The following HTR3B variants were observed in gnomAD, a reference collection of about 807,000 sequenced individuals.
HTR3B encodes the protein 5-hydroxytryptamine receptor 3B, also known as 5-hydroxytryptamine (serotonin) receptor 3B, ionotropic.
In HTR3B, 44 loss-of-function variants were observed where a neutral mutation model predicts 42.8. The ratio of observed to expected loss-of-function variants is 1.03; its 90% CI spans 0.81 to 1.32. HTR3B has a LOEUF of 1.32. HTR3B is among the 40% of genes most tolerant of loss of function. The pLI is 0.00. For synonymous variants in HTR3B, 203 were observed against 209.0 expected (o/e 0.97, Z 0.25); for missense variants, 527 against 536.5 (o/e 0.98, Z 0.17).
Position 113,943,201 on chromosome 11 carries a change from C to A in HTR3B, c.907+9C>A. 6.2e-7 allele frequency: 1 copy of A among 1,604,302 alleles called. No individual in the cohort carries two copies. On this transcript the variant is annotated intron_variant, in intron 7 of 8. Transcript: ENST00000260191. ...GAGCACCCCTCTGATTGGTAAGCAGCCTCGGGGTCACTGGACACTCATCTT... is the reference window on the plus strand; with the variant it reads ...GAGCACCCCTCTGATTGGTAAGCAGACTCGGGGTCACTGGACACTCATCTT...
At position 113,947,991 on chromosome 11, in the gene HTR3B, C is replaced by G. The variant is rs534222721; in HGVS notation, c.*1854C>G. Among the ~76,000 whole-genome samples, 12 of 152,010 alleles carry G rather than the reference C, an allele frequency of 7.9e-5. No homozygotes were observed. In the East Asian group the frequency reaches 1.3e-3, roughly 17 times the overall value. ...GAAAAATCTGCCCCCCTCCATCCCC[C>G]CAAAGAAAAAGAATTTAAATTCAAA... On this transcript the variant is annotated 3_prime_UTR_variant, in exon 9 of 9. Transcript: ENST00000260191.
At chr11:113,920,964 C>G (rs945800512) in intron 2 of HTR3B, among the ~76,000 whole-genome samples, 2 of 151,336 alleles carry the variant, frequency 1.3e-5, no homozygotes, top group African/African-American at 2.4e-5. Flanking sequence ...AGGTGCCCAC[C>G]ACCACACCTG....
In HTR3B at chr11:113,946,132, G is replaced by C. The variant is rs140308093; in HGVS notation, c.1321G>C (p.Val441Leu). The change falls in exon 9 of 9, where the codon GTG (valine) becomes CTG (leucine). Residue 441 changes from valine (V) to leucine (L), a missense_variant. By Grantham distance (32) the Val-to-Leu change is conservative (BLOSUM62 1). Coordinates refer to ENST00000260191, the MANE Select transcript of HTR3B (RefSeq NM_006028.5). ...CTCCCTCTGGGCACTGTGGGGCGGC[G>C]TGTGAAGACTGAAGTGTTCTTCAGT... ...LCSLWALWGG[V>L] 2 of 1,607,998 alleles carry C rather than the reference G, an allele frequency of 1.2e-6. No homozygotes were observed. Among genetic ancestry groups the C allele is most frequent in the Non-Finnish European group, 1.7e-6 (2 of 1,174,810 alleles).
intron 6 of HTR3B, among the ~76,000 whole-genome samples, chr11:113,937,320 G>A (rs1950099513): frequency 6.6e-6 from 1 of 152,140 alleles, no homozygotes; most frequent in African/African-American, 2.4e-5. Flanking sequence ...CATTATATTG[G>A]AACTAAAAGT....
At chr11:113,942,851 T>G in intron 6 of HTR3B, 131 bp from the exon 7 acceptor site, 1 of 734,062 alleles carries the variant, frequency 1.4e-6, no homozygotes, top group Non-Finnish European at 2.3e-6. Context: ...ATTTCTAAGA[T>G]AAATTAGACA....
chr11:113,939,458 G>T (rs1436845386), intron 6 of HTR3B, among the ~76,000 whole-genome samples: 1 of 152,180 alleles, frequency 6.6e-6, no homozygotes, highest in Non-Finnish European at 1.5e-5. Context: ...CAGGCTCTGT[G>T]TGACTACATA....
chr11:113,911,293 C>T (rs1011529646), intron 2 of HTR3B, among the ~76,000 whole-genome samples: 8 of 152,106 alleles, frequency 5.3e-5, no homozygotes, highest in Middle Eastern at 3.4e-3. Context: ...TGCAGTGGCA[C>T]GATCTCAGCT....
At chr11:113,932,888 T>G (rs1950051035) in intron 5 of HTR3B, 48 bp from the exon 6 acceptor site, 1 of 1,588,094 alleles carries the variant, frequency 6.3e-7, no homozygotes, top group Non-Finnish European at 8.6e-7. Flanking sequence ...GGGTGGATGT[T>G]GGCATCTCTT....
intron 2 of HTR3B, among the ~76,000 whole-genome samples, chr11:113,920,555 G>A (rs1231295568): frequency 6.6e-6 from 1 of 151,680 alleles, no homozygotes; most frequent in African/African-American, 2.4e-5. Context: ...TGTATTTTTA[G>A]TAGAGACGGG....
At chr11:113,936,600 G>A in intron 6 of HTR3B, among the ~76,000 whole-genome samples, 1 of 152,048 alleles carries the variant, frequency 6.6e-6, no homozygotes, top group South Asian at 2.1e-4. Flanking sequence ...TATCCTTTCT[G>A]GGTCACTCAA....
chr11:113,913,509 C>A (rs1384422085), intron 2 of HTR3B, among the ~76,000 whole-genome samples: 1 of 149,938 alleles, frequency 6.7e-6, no homozygotes, highest in African/African-American at 2.5e-5. Context: ...CCATGCTTGG[C>A]CTTTTTAAAA....
chr11:113,931,150 G>A (rs1270959876), intron 2 of HTR3B, among the ~76,000 whole-genome samples: 1 of 152,144 alleles, frequency 6.6e-6, no homozygotes, highest in Non-Finnish European at 1.5e-5. Context: ...AAGATGTCAA[G>A]GGCAGGCAAA....
chr11:113,928,698 G>A (rs1376034248), intron 2 of HTR3B, among the ~76,000 whole-genome samples: 1 of 152,020 alleles, frequency 6.6e-6, no homozygotes, highest in Non-Finnish European at 1.5e-5. Flanking sequence ...TACCACTCCT[G>A]GCTAATTTTT....
At chr11:113,901,066 A>T (rs1949694315), upstream of HTR3B, among the ~76,000 whole-genome samples, 1 of 152,070 alleles carries the variant, frequency 6.6e-6, no homozygotes, top group Non-Finnish European at 1.5e-5. Flanking sequence ...GTGGATGAAA[A>T]ATGCTGTATG....
At chr11:113,923,550 G>C (rs1038826256) in intron 2 of HTR3B, among the ~76,000 whole-genome samples, 1 of 152,152 alleles carries the variant, frequency 6.6e-6, no homozygotes, top group African/African-American at 2.4e-5. Context: ...ATAGTCTCCG[G>C]AACTGGAAAA....
intron 8 of HTR3B, among the ~76,000 whole-genome samples, chr11:113,945,279 C>A (rs1416806048): frequency 1.3e-5 from 2 of 151,950 alleles, no homozygotes; most frequent in African/African-American, 4.8e-5. Context: ...GGACTATAGG[C>A]GTGTGCCACC....
intron 6 of HTR3B, among the ~76,000 whole-genome samples, chr11:113,936,095 G>A (rs558807594): frequency 1.8e-4 from 27 of 152,308 alleles, no homozygotes; most frequent in Admixed American, 4.6e-4. Flanking sequence ...ACCCGGCCCA[G>A]CAGCCATGGG....
At chr11:113,933,125 G>T (rs373781577) in intron 6 of HTR3B, 32 bp downstream of exon 6, 2 of 1,597,922 alleles carry the variant, frequency 1.3e-6, no homozygotes, top group South Asian at 1.1e-5. Context: ...CCCGTTGCCC[G>T]CTTCTCCCCA....
At chr11:113,907,235 A>G (rs1949740907) in intron 1 of HTR3B, among the ~76,000 whole-genome samples, 2 of 152,306 alleles carry the variant, frequency 1.3e-5, no homozygotes, top group South Asian at 4.1e-4. Context: ...TCAAGAAGGC[A>G]GTTTTGGCGA....
Sources: gnomAD v4.1 joint callset for allele counts (sites outside exome capture counted in the v4.1 genomes callset) on GRCh38, gnomAD v4.1.1 for gene constraint, MANE v1.5 for transcripts, NCBI Gene and HGNC (gene_info 2026-07-23, HGNC 2026-07-21) for gene names.